Variants in RAD21L1 observed in about 807,000 individuals in gnomAD.
RAD21L1 encodes the protein double-strand-break repair protein rad21-like protein 1.
In RAD21L1, 47 loss-of-function variants were observed where a neutral mutation model predicts 69.0. The ratio of observed to expected loss-of-function variants is 0.68; its 90% CI spans 0.54 to 0.87. The LOEUF is 0.87. Among genes scored for constraint, RAD21L1 ranks in the 40% least tolerant of loss-of-function variants. The probability of loss-of-function intolerance (pLI) is 0.00; values close to 1 mark genes in which losing one functional copy is unlikely to be tolerated. For synonymous variants in RAD21L1, 177 were observed against 205.8 expected (o/e 0.86, Z 1.20); for missense variants, 583 against 647.6 (o/e 0.90, Z 1.08).
chr20:1,230,689 A>G (rs2122769415), intron 3 of RAD21L1: 1 of 467,216 alleles, frequency 2.1e-6, no homozygotes, highest in South Asian at 9.3e-5. Flanking sequence ...CTCAATCAAC[A>G]TTTGTTGAAT....
intron 3 of RAD21L1, chr20:1,230,612 G>A: frequency 3.1e-6 from 1 of 318,364 alleles, no homozygotes; most frequent in Non-Finnish European, 4.5e-6. Flanking sequence ...TGAAGGCAAG[G>A]TCTTTGTCAT....
At chr20:1,244,434 T>C (rs1250697640) in intron 11 of RAD21L1, among the ~76,000 whole-genome samples, 1 of 152,188 alleles carries the variant, frequency 6.6e-6, no homozygotes, top group Non-Finnish European at 1.5e-5. Flanking sequence ...TGATTGTCTC[T>C]ATGTAAACCT....
chr20:1,253,266 G>A (rs2087871512), intron 13 of RAD21L1, among the ~76,000 whole-genome samples: 1 of 152,086 alleles, frequency 6.6e-6, no homozygotes, highest in South Asian at 2.1e-4. Context: ...ATTCTCATAG[G>A]GACATTGGCC....
Position 1,234,149 on chromosome 20 carries a change from G to T in RAD21L1, c.433G>T (p.Glu145Ter). The change falls in exon 5 of 14, where the codon GAA becomes TAA. Residue 145 changes from glutamate (E) to a stop codon, truncating the protein, a stop_gained. Coordinates refer to ENST00000683101, the MANE Select transcript of RAD21L1 (RefSeq NM_001384355.1). LOFTEE classifies it high-confidence loss of function. ...CAGACCAGAAGAAATCACTCTTAGA[G>T]AAAATTTTGACAATGATCTAATTTT... Reference protein sequence around the residue: ...QSRPEEITLRENFDNDLIFQA... With the variant: ...QSRPEEITLR 6.5e-7 allele frequency: 1 copy of T among 1,545,280 alleles called. No homozygotes were observed. The highest frequency in any genetic ancestry group is 8.8e-7 in the Non-Finnish European group (1 of 1,141,780).
chr20:1,229,739 TA>T, intron 2 of RAD21L1, 140 bp from the exon 3 acceptor site: 1 of 596,380 alleles, frequency 1.7e-6, no homozygotes, highest in Non-Finnish European at 2.8e-6. Flanking sequence ...CAAGGTAAGG[TA>T]AAAAGTGATA....
chr20:1,229,447 G>A (rs1281024960), intron 2 of RAD21L1, among the ~76,000 whole-genome samples: 1 of 152,152 alleles, frequency 6.6e-6, no homozygotes, highest in Non-Finnish European at 1.5e-5. Context: ...CCCGGGAGGC[G>A]GAGGTTGCAG....
chr20:1,235,203 T>C (rs1037916566), intron 5 of RAD21L1, among the ~76,000 whole-genome samples: 1 of 152,228 alleles, frequency 6.6e-6, no homozygotes, highest in Admixed American at 6.5e-5. Flanking sequence ...ATGTTCATAT[T>C]TGAGTTTCCT....
chr20:1,254,255 A>G lies in RAD21L1; in HGVS notation c.1480-14A>G. 1 of 1,445,486 alleles carries G rather than the reference A, an allele frequency of 6.9e-7. No individual in the cohort carries two copies. The highest frequency in any genetic ancestry group is 9.2e-7 in the Non-Finnish European group (1 of 1,084,354). The allele number at this position is 1,445,486 out of a possible 1,614,324, so 89.5% of individuals were successfully genotyped here. ...GTTTCCCATTTCTTTTTTCTTTTCTAATTATTTTCCCAGGAATCTAACAAG... is the reference window on the plus strand; with the variant it reads ...GTTTCCCATTTCTTTTTTCTTTTCTGATTATTTTCCCAGGAATCTAACAAG... On this transcript the variant is annotated splice_polypyrimidine_tract_variant and intron_variant, in intron 13 of 13. Coordinates refer to ENST00000683101, the MANE Select transcript of RAD21L1 (RefSeq NM_001384355.1).
intron 8 of RAD21L1, among the ~76,000 whole-genome samples, chr20:1,241,625 A>T (rs560305243): frequency 6.6e-6 from 1 of 152,062 alleles, no homozygotes; most frequent in African/African-American, 2.4e-5. Context: ...GGGGAGGGGT[A>T]TGGAAGGTGG....
intron 11 of RAD21L1, among the ~76,000 whole-genome samples, chr20:1,245,791 C>G (rs190243187): frequency 6.6e-6 from 1 of 152,102 alleles, no homozygotes; most frequent in East Asian, 1.9e-4. Flanking sequence ...TCCTCACTCT[C>G]ACTCCCTCTC....
At chr20:1,233,927 G>A (rs1368271617) in intron 4 of RAD21L1, among the ~76,000 whole-genome samples, 158 bp from the exon 5 acceptor site, 1 of 152,140 alleles carries the variant, frequency 6.6e-6, no homozygotes, top group Non-Finnish European at 1.5e-5. Context: ...GAAGCCTAGA[G>A]ATTATTTATA....
chr20:1,251,831 A>G (rs1457595560), intron 13 of RAD21L1, among the ~76,000 whole-genome samples: 1 of 152,002 alleles, frequency 6.6e-6, no homozygotes, highest in African/African-American at 2.4e-5. Flanking sequence ...TTTTTATTTA[A>G]TTATTCAATT....
Position 1,240,341 on chromosome 20 carries a change from T to A in RAD21L1, c.763T>A (p.Cys255Ser), listed in dbSNP as rs1336503026. Residue 255 changes from cysteine (C) to serine (S), a missense_variant, in exon 8 of 14, where the codon TGT (cysteine) becomes AGT (serine). Transcript: ENST00000683101. ...SLAVEPDNSECICVPENEKMN... is the reference protein window; with the variant it reads ...SLAVEPDNSESICVPENEKMN... ...ATTAGTTGAACCAGATAACTCAGAG[T>A]GTATATGTGTACCTGAAAATGAAAA... 2.5e-5 allele frequency: 38 copies of A among 1,546,392 alleles called. No homozygotes were observed. The South Asian group carries it at 3.8e-4, about 15-fold the overall frequency.
chr20:1,227,815 T>C (rs973653510), intron 1 of RAD21L1, among the ~76,000 whole-genome samples: 3 of 152,216 alleles, frequency 2.0e-5, no homozygotes, highest in Non-Finnish European at 4.4e-5. Flanking sequence ...TATTTTCTTA[T>C]AGTTTCTTGT....
Position 1,248,680 on chromosome 20 carries a change from C to T in RAD21L1, c.1456C>T (p.Leu486Phe), listed in dbSNP as rs1371313284. ...IETERWNGRI[L>F]QMLNRLRESN... is the part of the protein sequence containing the mutation. Reference sequence around the variant, plus strand: ...GACAGAGAGATGGAATGGAAGAATACTTCAGATGTTAAATCGTTTACGGGT... The same window carrying T: ...GACAGAGAGATGGAATGGAAGAATATTTCAGATGTTAAATCGTTTACGGGT... Residue 486 changes from leucine to phenylalanine, a missense_variant, in exon 13 of 14, where the codon CTT becomes TTT. Leu to Phe is a conservative substitution (Grantham distance 22). Transcript: ENST00000683101. 3.3e-6 allele frequency: 5 copies of T among 1,530,714 alleles called. No individual in the cohort carries two copies. Among genetic ancestry groups the T allele is most frequent in the Non-Finnish European group, 3.5e-6 (4 of 1,133,192 alleles). The allele number at this position is 1,530,714 out of a possible 1,614,324, so 94.8% of individuals were successfully genotyped here. A position where few individuals can be genotyped will look rare whatever the true frequency, so the allele number is the denominator to read the frequency against.
In RAD21L1 at chr20:1,242,635, G is replaced by T. The variant is rs1296686708; in HGVS notation, c.873G>T (p.Arg291Ser). 2 of 1,550,942 alleles carry T rather than the reference G, an allele frequency of 1.3e-6. No individual in the cohort carries two copies. The highest frequency in any genetic ancestry group is 2.4e-5 in the East Asian group (1 of 40,910). The change falls in exon 9 of 14, where the codon AGG (arginine) becomes AGT (serine). Residue 291 changes from arginine to serine, a missense_variant. Transcript: ENST00000683101. ...PIDISDIAEK[R>S]KGKKRRLLID... is the part of the protein sequence containing the mutation. ...TATATTTAGACATTGCTGAGAAAAGGAAAGGCAAAAAGAGGAGATTGCTCA... is the reference window on the plus strand; with the variant it reads ...TATATTTAGACATTGCTGAGAAAAGTAAAGGCAAAAAGAGGAGATTGCTCA...
intron 5 of RAD21L1, among the ~76,000 whole-genome samples, chr20:1,234,951 C>T (rs2087464649): frequency 6.6e-6 from 1 of 152,140 alleles, no homozygotes; most frequent in South Asian, 2.1e-4. Context: ...CTATGTTGCC[C>T]AGGCTGGTCT....
At chr20:1,241,829 G>A (rs933537360) in intron 8 of RAD21L1, among the ~76,000 whole-genome samples, 2 of 152,110 alleles carry the variant, frequency 1.3e-5, no homozygotes, top group African/African-American at 4.8e-5. Context: ...TATCAATCCT[G>A]AGAAATCTAA....
At chr20:1,237,928 C>T (rs2122811607) in intron 5 of RAD21L1, 116 bp from the exon 6 acceptor site, 1 of 518,534 alleles carries the variant, frequency 1.9e-6, no homozygotes. Context: ...CCATTCTCTT[C>T]ATCTATAAAA....
Sources: gnomAD v4.1 joint callset for allele counts (sites outside exome capture counted in the v4.1 genomes callset) on GRCh38, gnomAD v4.1.1 for gene constraint, MANE v1.5 for transcripts, NCBI Gene and HGNC (gene_info 2026-07-23, HGNC 2026-07-21) for gene names.